DRC11: variants seen among roughly 807,000 people sequenced by gnomAD.
DRC11 encodes the protein dynein regulatory complex subunit 11.
At chr2:236,347,156 T>G in the DRC11 span, among the ~76,000 whole-genome samples, 2 of 152,194 alleles carry the variant, frequency 1.3e-5, no homozygotes, top group Non-Finnish European at 2.9e-5. Context: ...GCACGAGACC[T>G]CTCACCCTTC....
chr2:236,335,854 C>T, the DRC11 span, among the ~76,000 whole-genome samples: 6 of 152,268 alleles, frequency 3.9e-5, no homozygotes, highest in Non-Finnish European at 7.3e-5. The surrounding 1 kb of genome is among the most constrained non-coding windows in gnomAD (Gnocchi z 5.6). Flanking sequence ...GTGTGGGCTG[C>T]GGCGAGACTG....
the DRC11 span, among the ~76,000 whole-genome samples, chr2:236,358,206 ATATGAATATATTATATACTG>A: frequency 3.9e-5 from 5 of 127,560 alleles, no homozygotes; most frequent in African/African-American, 1.5e-4. Flanking sequence ...TATATATACT[ATATGAATATATTATATACTG>A]TATGAATATA....
At chr2:236,448,437 GC>G in the DRC11 span, among the ~76,000 whole-genome samples, 1 of 152,140 alleles carries the variant, frequency 6.6e-6, no homozygotes, top group Non-Finnish European at 1.5e-5. This position sits in a 1 kb window ranked among gnomAD's most constrained non-coding sequence, Gnocchi z 5.3. Context: ...GAGTGCAGAG[GC>G]GATTCTCCTG....
At chr2:236,381,776 G>C in the DRC11 span, among the ~76,000 whole-genome samples, 3 of 152,126 alleles carry the variant, frequency 2.0e-5, no homozygotes. The surrounding 1 kb of genome is among the most constrained non-coding windows in gnomAD (Gnocchi z 5.8). Flanking sequence ...TCTTTCACTT[G>C]TTTTCTAATT....
the DRC11 span, among the ~76,000 whole-genome samples, chr2:236,441,487 C>T: frequency 6.6e-5 from 10 of 151,476 alleles, no homozygotes; most frequent in African/African-American, 2.2e-4. Flanking sequence ...TCAAACTAAA[C>T]GAAGGATGGA....
At chr2:236,390,383 A>G in the DRC11 span, among the ~76,000 whole-genome samples, 3 of 152,178 alleles carry the variant, frequency 2.0e-5, no homozygotes, top group Non-Finnish European at 2.9e-5. This position sits in a 1 kb window ranked among gnomAD's most constrained non-coding sequence, Gnocchi z 5.9. Context: ...TCACATGTAT[A>G]TAGCATATAG....
At chr2:236,397,263 G>A in the DRC11 span, among the ~76,000 whole-genome samples, 1 of 152,254 alleles carries the variant, frequency 6.6e-6, no homozygotes, top group Admixed American at 6.5e-5. The surrounding 1 kb of genome is among the most constrained non-coding windows in gnomAD (Gnocchi z 5.0). Flanking sequence ...CCATGGGACA[G>A]CAGGCTTCTG....
At chr2:236,458,127 C>T in the DRC11 span, among the ~76,000 whole-genome samples, 1 of 152,082 alleles carries the variant, frequency 6.6e-6, no homozygotes, top group Non-Finnish European at 1.5e-5. Flanking sequence ...AGGGAAGGAG[C>T]CCACACTTGA....
At chr2:236,338,287 G>A in the DRC11 span, 1 of 1,614,012 alleles carries the variant, frequency 6.2e-7, no homozygotes, top group Non-Finnish European at 8.5e-7. Flanking sequence ...CAGCATCGAA[G>A]GGACGCCGTG....
the DRC11 span, among the ~76,000 whole-genome samples, chr2:236,370,495 C>A: frequency 1.1e-4 from 17 of 152,172 alleles, no homozygotes; most frequent in East Asian, 3.3e-3. The surrounding 1 kb of genome is among the most constrained non-coding windows in gnomAD (Gnocchi z 5.5). Context: ...GGGCATCCAG[C>A]CCCAGGCCCT....
the DRC11 span, among the ~76,000 whole-genome samples, chr2:236,506,249 C>T: frequency 6.6e-6 from 1 of 152,218 alleles, no homozygotes; most frequent in Non-Finnish European, 1.5e-5. This position sits in a 1 kb window ranked among gnomAD's most constrained non-coding sequence, Gnocchi z 4.9. Flanking sequence ...CAGGATCAGT[C>T]CTTACACCTC....
chr2:236,362,204 G>A, the DRC11 span, among the ~76,000 whole-genome samples: 1 of 152,112 alleles, frequency 6.6e-6, no homozygotes, highest in African/African-American at 2.4e-5. This position sits in a 1 kb window ranked among gnomAD's most constrained non-coding sequence, Gnocchi z 5.7. Flanking sequence ...TAAAAAATAT[G>A]AAATTAACCT....
the DRC11 span, among the ~76,000 whole-genome samples, chr2:236,423,966 C>A: frequency 6.7e-6 from 1 of 149,680 alleles, no homozygotes; most frequent in East Asian, 2.0e-4. Context: ...AAACCAAACA[C>A]CGCATGTTCT....
the DRC11 span, among the ~76,000 whole-genome samples, chr2:236,434,064 G>A: frequency 3.2e-4 from 49 of 152,266 alleles, 1 homozygote; most frequent in Non-Finnish European, 1.2e-4. This position sits in a 1 kb window ranked among gnomAD's most constrained non-coding sequence, Gnocchi z 5.5. Flanking sequence ...TGCATTCATA[G>A]ACATCCTTAA....
the DRC11 span, among the ~76,000 whole-genome samples, chr2:236,379,956 A>G: frequency 6.6e-6 from 1 of 152,290 alleles, no homozygotes; most frequent in Non-Finnish European, 1.5e-5. Flanking sequence ...GACCTATGGG[A>G]AGAAAAATAT....
chr2:236,416,740 T>A, the DRC11 span, among the ~76,000 whole-genome samples: 1 of 54,310 alleles, frequency 1.8e-5, no homozygotes, highest in Non-Finnish European at 3.9e-5. Flanking sequence ...TATATATATA[T>A]ATATATATAT....
At chr2:236,371,610 CT>C in the DRC11 span, among the ~76,000 whole-genome samples, 4 of 152,160 alleles carry the variant, frequency 2.6e-5, no homozygotes, top group African/African-American at 9.7e-5. This position sits in a 1 kb window ranked among gnomAD's most constrained non-coding sequence, Gnocchi z 5.1. Flanking sequence ...AAGCCCTCAC[CT>C]TGTCCTGGTT....
At chr2:236,418,717 A>C in the DRC11 span, among the ~76,000 whole-genome samples, 1 of 152,190 alleles carries the variant, frequency 6.6e-6, no homozygotes, top group Non-Finnish European at 1.5e-5. Context: ...ATATATCCAG[A>C]TGTCAGCGCT....
chr2:236,368,241 A>C, the DRC11 span: 1 of 1,611,474 alleles, frequency 6.2e-7, no homozygotes, highest in Non-Finnish European at 8.5e-7. Flanking sequence ...GACATCCAGG[A>C]GGGAGGGCAT....
Sources: allele counts gnomAD v4.1 joint callset (sites outside exome capture counted in the v4.1 genomes callset), GRCh38; gene constraint gnomAD v4.1.1; non-coding constraint Gnocchi (gnomAD v3.1); transcripts MANE v1.5; gene names NCBI Gene and HGNC (gene_info 2026-07-23, HGNC 2026-07-21).